Variants in PI4KA observed in about 807,000 individuals in gnomAD.
The protein encoded by PI4KA is phosphatidylinositol 4-kinase alpha, also known as PI4-kinase alpha.
In PI4KA, 122 loss-of-function variants were observed where a neutral mutation model predicts 271.4. The observed-to-expected ratio is 0.45, with a 90% CI of 0.39 to 0.52. PI4KA has a LOEUF of 0.52. Among genes scored for constraint, PI4KA ranks in the 20% least tolerant of loss-of-function variants. The pLI, the probability that PI4KA is intolerant of heterozygous loss-of-function variation, is 0.00. For synonymous variants in PI4KA, 1,041 were observed against 1,078.8 expected, an observed-to-expected ratio of 0.96 and a Z score of 0.69; for missense variants, 1,969 against 2,769.1, an observed-to-expected ratio of 0.71 and a Z score of 6.48.
intron 6 of PI4KA, 56 bp downstream of exon 6, chr22:20,819,585 A>AG: frequency 6.6e-7 from 1 of 1,514,042 alleles, no homozygotes; most frequent in Non-Finnish European, 9.0e-7. Flanking sequence ...TTTTCTTCGC[A>AG]GGGGAGCTTA....
chr22:20,850,827 G>A (rs1792817495), intron 1 of PI4KA, among the ~76,000 whole-genome samples: 2 of 152,050 alleles, frequency 1.3e-5, no homozygotes, highest in Admixed American at 6.6e-5. Flanking sequence ...GATCACTTGA[G>A]CCCACGGTTT....
rs111784104 is a variant in PI4KA, at chr22:20,819,767, T to C, written c.663A>G (p.Glu221=). 1.2e-6 allele frequency: 2 copies of C among 1,613,332 alleles called. No homozygotes were observed. Residue 221 remains glutamate, a synonymous_variant, in exon 6 of 55, where the codon GAA becomes GAG. Transcript: ENST00000255882. ...AACGCCTTCGAACACCTTCAAGCTC[T>C]TCCAGGACACGGAGGGAATGAGGAG... ...KIPPHSLRVL[E]ELEGVRRRSF... is the part of the protein sequence containing the mutation.
At chr22:20,855,262 T>TTA (rs915981232) in intron 1 of PI4KA, among the ~76,000 whole-genome samples, 38 of 151,502 alleles carry the variant, frequency 2.5e-4, no homozygotes, top group African/African-American at 7.3e-4. Context: ...ACTACATATT[T>TTA]TATATATATA....
intron 7 of PI4KA, among the ~76,000 whole-genome samples, chr22:20,814,631 C>T (rs1416311907): frequency 1.3e-5 from 2 of 151,096 alleles, no homozygotes; most frequent in South Asian, 2.1e-4. Flanking sequence ...GCCTATAGTC[C>T]CAGCTACTCA....
Position 20,824,364 on chromosome 22 carries a change from A to C in PI4KA, c.418T>G (p.Ser140Ala), listed in dbSNP as rs1189521790. 1.2e-6 allele frequency: 2 copies of C among 1,613,804 alleles called. No individual in the cohort carries two copies. The highest frequency in any genetic ancestry group is 1.7e-6 in the Non-Finnish European group (2 of 1,179,804). Residue 140 changes from serine (S) to alanine (A), a missense_variant, in exon 4 of 55, where the codon TCT (serine) becomes GCT (alanine). Ser to Ala is a moderately conservative substitution (Grantham distance 99). Around this residue, in one of 13 missense-constraint regions of PI4KA, gnomAD observed 540 missense variants for 555.5 expected, o/e 0.97. Coordinates refer to ENST00000255882, the MANE Select transcript of PI4KA (RefSeq NM_058004.4). ...SFSFCLVTLLSDVAYRDPSLR... is the reference protein window; with the variant it reads ...SFSFCLVTLLADVAYRDPSLR... ...GAAGGATCCCTATAGGCCACATCAGACAGCAGAGTTACCAAGCAGAAGCTG... is the reference window on the plus strand; with the variant it reads ...GAAGGATCCCTATAGGCCACATCAGCCAGCAGAGTTACCAAGCAGAAGCTG...
intron 1 of PI4KA, among the ~76,000 whole-genome samples, chr22:20,853,055 G>C (rs1569104352): frequency 2.0e-5 from 3 of 152,176 alleles, no homozygotes; most frequent in Non-Finnish European, 4.4e-5. Flanking sequence ...TGGGCAAAAT[G>C]GTGAGACTCC....
chr22:20,745,020 C>T (rs1394366878), intron 29 of PI4KA, among the ~76,000 whole-genome samples: 1 of 152,124 alleles, frequency 6.6e-6, no homozygotes, highest in African/African-American at 2.4e-5. Context: ...GTGATGGAAA[C>T]GCCATGAAAG....
At chr22:20,824,771 CACACACACAA>C (rs1360173460) in intron 3 of PI4KA, among the ~76,000 whole-genome samples, 41 of 145,856 alleles carry the variant, frequency 2.8e-4, no homozygotes, top group African/African-American at 1.0e-3. Flanking sequence ...CACACACACA[CACACACACAA>C]AACACTCGGC....
rs550371498 is a variant in PI4KA at position 20,785,665 on chromosome 22, T to G, written c.2328+7528A>C. Among the ~76,000 whole-genome samples, 5 of 151,440 alleles carry G rather than the reference T, an allele frequency of 3.3e-5. No homozygotes were observed. The South Asian group carries it at 8.3e-4, about 25-fold the overall frequency. On this transcript the variant is annotated intron_variant, in intron 19 of 54. Coordinates refer to ENST00000255882, the MANE Select transcript of PI4KA (RefSeq NM_058004.4). ...CCTTAATTACAAAAAAAAAACCAAA[T>G]GCCTAAAATTGGGAAACCAAACCAG...
chr22:20,787,146 C>T (rs78656), intron 19 of PI4KA: 53,767 of 1,304,266 alleles, frequency 0.041, 1,375 homozygotes, highest in Middle Eastern at 0.062. Flanking sequence ...CAGAGATGTT[C>T]TGGCATCATT....
Position 20,744,789 on chromosome 22 carries a change from G to C in PI4KA, c.3364-69C>G. 5 of 1,281,524 alleles carry C rather than the reference G, an allele frequency of 3.9e-6. No homozygotes were observed. In the East Asian group the frequency reaches 1.2e-4, roughly 30 times the overall value. The allele number at this position is 1,281,524 out of a possible 1,614,324, so 79.4% of individuals were successfully genotyped here. A position where few individuals can be genotyped will look rare whatever the true frequency, so the allele number is the denominator to read the frequency against. On this transcript the variant is annotated intron_variant, in intron 29 of 54. Transcript: ENST00000255882. ...CTTTCCTCGTGTTTACCATGGCTAA[G>C]CCTAAACCCAATGAAGCAGTCACAC...
chr22:20,804,833 C>G, intron 11 of PI4KA, 141 bp downstream of exon 11: 1 of 695,786 alleles, frequency 1.4e-6, no homozygotes, highest in Non-Finnish European at 2.5e-6. Flanking sequence ...CTCCACTCTG[C>G]ACGTGCCCAG....
At chr22:20,815,830 T>A (rs934470313) in intron 7 of PI4KA, among the ~76,000 whole-genome samples, 3 of 152,056 alleles carry the variant, frequency 2.0e-5, no homozygotes, top group African/African-American at 7.2e-5. Flanking sequence ...ATGGGCTAAG[T>A]CCTGTGTGGC....
chr22:20,747,643 G>A lies in PI4KA; in HGVS notation c.3303C>T (p.Ala1101=), dbSNP rs771305271. The change falls in exon 29 of 55, where the codon GCC becomes GCT. Residue 1101 remains alanine (A), a synonymous_variant. Coordinates refer to ENST00000255882, the MANE Select transcript of PI4KA (RefSeq NM_058004.4). Reference sequence around the variant, plus strand: ...AGTGAAGGATGCTCTCAGTGGCCATGGCCAGCCCCGTGTGCTGGGACAGTC... The same window carrying A: ...AGTGAAGGATGCTCTCAGTGGCCATAGCCAGCCCCGTGTGCTGGGACAGTC... ...VSGLSQHTGL[A]MATESILHFA... 16 of 1,613,756 alleles carry A rather than the reference G, an allele frequency of 9.9e-6. No homozygotes were observed. In the African/African-American group the frequency reaches 2.1e-4, roughly 22 times the overall value.
chr22:20,783,636 C>T (rs1933974546), intron 19 of PI4KA, among the ~76,000 whole-genome samples: 2 of 152,128 alleles, frequency 1.3e-5, no homozygotes, highest in East Asian at 1.9e-4. Flanking sequence ...ATAATAATAA[C>T]AGTAATAAAA....
intron 27 of PI4KA, among the ~76,000 whole-genome samples, 164 bp from the exon 28 acceptor site, chr22:20,750,158 G>A (rs956806296): frequency 5.9e-5 from 9 of 152,208 alleles, no homozygotes; most frequent in African/African-American, 2.2e-4. Context: ...GCTTTAAAGA[G>A]GTGATTCAAT....
chr22:20,804,383 T>G lies in PI4KA; in HGVS notation c.1378A>C (p.Ile460Leu). 6.2e-7 allele frequency: 1 copy of G among 1,613,750 alleles called. No homozygotes were observed. Among genetic ancestry groups the G allele is most frequent in the African/African-American group, 1.3e-5 (1 of 75,036 alleles). Residue 460 changes from isoleucine (I) to leucine (L), a missense_variant, in exon 12 of 55, where the codon ATC becomes CTC. Transcript: ENST00000255882. The part of the protein sequence containing the change: ...KDEQGAENLC[I>L]KLSEKLQSKT... ...GACTGCAGCTTCTCAGATAGCTTGA[T>G]GCAAAGGTTTTCTGCACCTTAATTC...
At chr22:20,850,609 T>C (rs1926844157) in intron 1 of PI4KA, among the ~76,000 whole-genome samples, 1 of 151,834 alleles carries the variant, frequency 6.6e-6, no homozygotes, top group Admixed American at 6.6e-5. Context: ...AGCTAATTTT[T>C]TGTATTTTTA....
chr22:20,747,513 C>A, intron 29 of PI4KA, 70 bp downstream of exon 29: 2 of 1,558,964 alleles, frequency 1.3e-6, no homozygotes, highest in African/African-American at 1.4e-5. Context: ...CAGCCGAGCT[C>A]TAAGCCTTCC....
Sources: allele counts gnomAD v4.1 joint callset (sites outside exome capture counted in the v4.1 genomes callset), GRCh38; gene constraint gnomAD v4.1.1; regional missense constraint gnomAD v4.1.1; transcripts MANE v1.5; gene names NCBI Gene and HGNC (gene_info 2026-07-23, HGNC 2026-07-21).